Variants in ADARB2 observed in about 807,000 individuals in gnomAD.
ADARB2 encodes the protein adenosine deaminase RNA specific B2 (inactive).
Under a neutral mutation model 62.2 loss-of-function variants are expected in ADARB2, and 25 were observed. The observed-to-expected ratio is 0.40, with a 90% CI of 0.29 to 0.56. The LOEUF (loss-of-function observed/expected upper bound fraction) is 0.56, where lower values mean the gene tolerates loss of function less well. Ranked by LOEUF, ADARB2 falls within the 20% of genes least tolerant of loss-of-function variation. The probability of loss-of-function intolerance (pLI) is 0.43; values close to 1 mark genes in which losing one functional copy is unlikely to be tolerated. For missense variants in ADARB2, 1,071 were observed against 1,077.4 expected, an observed-to-expected ratio of 0.99 and a Z score of 0.08; for synonymous variants, 572 against 500.8, an observed-to-expected ratio of 1.14 and a Z score of -1.90.
intron 1 of ADARB2, among the ~76,000 whole-genome samples, chr10:1,574,880 A>G (rs1832989044): frequency 6.6e-6 from 1 of 152,142 alleles, no homozygotes; most frequent in East Asian, 1.9e-4. Context: ...ATGTTGGCAG[A>G]GTGGAGAGGA....
chr10:1,398,814 G>A lies in ADARB2; in HGVS notation c.101-19654C>T, dbSNP rs1564279503. Among the ~76,000 whole-genome samples, 1 of 152,190 alleles carries A rather than the reference G, an allele frequency of 6.6e-6. No homozygotes were observed. Among genetic ancestry groups the A allele is most frequent in the Non-Finnish European group, 1.5e-5 (1 of 68,032 alleles). On this transcript the variant is annotated intron_variant, in intron 1 of 9. Transcript: ENST00000381312. This position sits in a 1 kb window ranked among gnomAD's most constrained non-coding sequence, Gnocchi z 4.1. ...AGGCCAGGTTCACATTTGGGAAGAA[G>A]AGATTTTCTCCCTCCGCAGCAGCAG...
At chr10:1,707,465 A>C (rs956704394) in intron 1 of ADARB2, among the ~76,000 whole-genome samples, 2 of 152,166 alleles carry the variant, frequency 1.3e-5, no homozygotes, top group Admixed American at 6.5e-5. Context: ...TTTTCTCCAC[A>C]TTGTCTTTTG....
At position 1,311,983 on chromosome 10, in the gene ADARB2, G is replaced by C. The variant is rs182536050; in HGVS notation, c.1078-40914C>G. ...ATCCTCCTGGTACCTGCGGACTCAG[G>C]ATGGAATCTTTAATTACCAGAGTCT... On this transcript the variant is annotated intron_variant, in intron 3 of 9. Coordinates refer to ENST00000381312, the MANE Select transcript of ADARB2 (RefSeq NM_018702.4). 2.9e-3 allele frequency among the ~76,000 whole-genome samples: 440 copies of C among 152,336 alleles called. 3 individuals are homozygous for C. Among genetic ancestry groups the C allele is most frequent in the South Asian group, 0.016 (79 of 4,822 alleles).
In ADARB2 at chr10:1,182,190, TA is replaced by T. The variant is rs1836683113; in HGVS notation, c.*1002del. On this transcript the variant is annotated 3_prime_UTR_variant, in exon 10 of 10. Transcript: ENST00000381312. Reference sequence around the variant, plus strand: ...GCTTGCTTTCTAATGAAAATTTAGTTAAAAAATCAGAATTTGATCAAAGACT... The same window carrying T: ...GCTTGCTTTCTAATGAAAATTTAGTTAAAAATCAGAATTTGATCAAAGACT... 1 of 152,246 alleles carries T rather than the reference TA, an allele frequency of 6.6e-6. No individual in the cohort carries two copies. The highest frequency in any genetic ancestry group is 1.5e-5 in the Non-Finnish European group (1 of 68,034). 9.4% of individuals were successfully genotyped at this position (152,246 alleles called of 1,614,324 possible).
intron 1 of ADARB2, among the ~76,000 whole-genome samples, chr10:1,537,415 G>A (rs1832346823): frequency 6.6e-6 from 1 of 152,192 alleles, no homozygotes; most frequent in Admixed American, 6.5e-5. Flanking sequence ...AATTCCTCAA[G>A]GATCAAGAAC....
rs11595152 is a variant in ADARB2, at chr10:1,274,330, T to G, written c.1078-3261A>C. On this transcript the variant is annotated intron_variant, in intron 3 of 9. Coordinates refer to ENST00000381312, the MANE Select transcript of ADARB2 (RefSeq NM_018702.4). Reference sequence around the variant, plus strand: ...GCTCTGGTATCCGATTCTGGGTGATTCATGGGTGTTAATGTTGATTCAAGG... The same window carrying G: ...GCTCTGGTATCCGATTCTGGGTGATGCATGGGTGTTAATGTTGATTCAAGG... 6.2e-3 allele frequency among the ~76,000 whole-genome samples: 951 copies of G among 152,358 alleles called. 15 individuals are homozygous for G. In the East Asian group the frequency reaches 0.087, roughly 14 times the overall value.
At chr10:1,589,246 C>T (rs1382495840) in intron 1 of ADARB2, among the ~76,000 whole-genome samples, 3 of 152,204 alleles carry the variant, frequency 2.0e-5, no homozygotes, top group Non-Finnish European at 4.4e-5. Context: ...GGGAACCTAC[C>T]CACCTTCAGC....
intron 1 of ADARB2, among the ~76,000 whole-genome samples, chr10:1,656,668 ACT>A (rs1834175992): frequency 6.6e-6 from 1 of 151,658 alleles, no homozygotes; most frequent in Non-Finnish European, 1.5e-5. Context: ...GAGATTTGGG[ACT>A]CTCACGCGTC....
chr10:1,313,386 G>A (rs772903716), intron 3 of ADARB2, among the ~76,000 whole-genome samples: 1 of 152,244 alleles, frequency 6.6e-6, no homozygotes, highest in Non-Finnish European at 1.5e-5. Flanking sequence ...GATGACAGAT[G>A]GCAGAATGTT....
At chr10:1,496,032 A>G (rs189303792) in intron 1 of ADARB2, among the ~76,000 whole-genome samples, 13 of 149,940 alleles carry the variant, frequency 8.7e-5, no homozygotes, top group East Asian at 8.1e-4. Flanking sequence ...ATTAGTATCA[A>G]CCTCATCACT....
At chr10:1,494,041 C>T (rs1177521939) in intron 1 of ADARB2, among the ~76,000 whole-genome samples, 12 of 151,932 alleles carry the variant, frequency 7.9e-5, no homozygotes, top group Admixed American at 2.0e-4. Context: ...TGTGAGCCAC[C>T]GCACCTGGCC....
At chr10:1,498,028 G>A (rs547101600) in intron 1 of ADARB2, among the ~76,000 whole-genome samples, 147 of 152,242 alleles carry the variant, frequency 9.7e-4, no homozygotes, top group African/African-American at 3.5e-3. Context: ...ATATGGAAAA[G>A]CAGAAACTCT....
chr10:1,584,270 A>G (rs1588312040), intron 1 of ADARB2, among the ~76,000 whole-genome samples: 1 of 152,318 alleles, frequency 6.6e-6, no homozygotes, highest in East Asian at 1.9e-4. Context: ...CCCAATTAAA[A>G]AATGCACCTA....
chr10:1,584,729 T>TC (rs1430937482), intron 1 of ADARB2, among the ~76,000 whole-genome samples: 12 of 152,172 alleles, frequency 7.9e-5, no homozygotes, highest in African/African-American at 2.9e-4. Context: ...CGTCTGTGGT[T>TC]CATCCAGATC....
At chr10:1,471,931 G>A (rs1049399362) in intron 1 of ADARB2, among the ~76,000 whole-genome samples, 2 of 152,132 alleles carry the variant, frequency 1.3e-5, no homozygotes, top group South Asian at 2.1e-4. Flanking sequence ...TCTGGGTACC[G>A]TCATTTGACC....
intron 2 of ADARB2, among the ~76,000 whole-genome samples, chr10:1,368,395 C>G (rs975784025): frequency 1.3e-5 from 2 of 152,176 alleles, no homozygotes; most frequent in Non-Finnish European, 2.9e-5. Flanking sequence ...TCATCCTCCT[C>G]TCAGCCGCAT....
Position 1,216,893 on chromosome 10 carries a change from G to A in ADARB2, c.1682+58C>T, listed in dbSNP as rs370605098. ...AGAAGTGGGATGCAGGGAGCCTGGG[G>A]CTTGGCACTCCCCACCGGCCGCAGC... On this transcript the variant is annotated intron_variant, in intron 7 of 9. Coordinates refer to ENST00000381312, the MANE Select transcript of ADARB2 (RefSeq NM_018702.4). 2.9e-5 allele frequency: 45 copies of A among 1,577,436 alleles called. No homozygotes were observed. The African/African-American group carries it at 5.1e-4, about 18-fold the overall frequency.
intron 1 of ADARB2, among the ~76,000 whole-genome samples, chr10:1,456,440 A>G (rs756454103): frequency 1.3e-5 from 2 of 152,118 alleles, no homozygotes; most frequent in Non-Finnish European, 2.9e-5. Context: ...TTTGCTCCAT[A>G]CAAGCCAGTT....
intron 1 of ADARB2, among the ~76,000 whole-genome samples, chr10:1,709,556 T>A (rs1588361490): frequency 6.6e-6 from 1 of 152,238 alleles, no homozygotes; most frequent in Non-Finnish European, 1.5e-5. Flanking sequence ...TTGTCTTTAC[T>A]TTGGAGAGAC....
Sources: allele counts gnomAD v4.1 joint callset (sites outside exome capture counted in the v4.1 genomes callset), GRCh38; gene constraint gnomAD v4.1.1; non-coding constraint Gnocchi (gnomAD v3.1); transcripts MANE v1.5; gene names NCBI Gene and HGNC (gene_info 2026-07-23, HGNC 2026-07-21).